The following CAMTA1 variants were observed in gnomAD, a reference collection of about 807,000 sequenced individuals.
CAMTA1 encodes the protein calmodulin binding transcription activator 1, also known as calmodulin-binding transcription activator 1.
In CAMTA1, 27 loss-of-function variants were observed where a neutral mutation model predicts 170.9. That is an observed-to-expected ratio of 0.16 (90% CI 0.12 to 0.22). The LOEUF (loss-of-function observed/expected upper bound fraction) is 0.22, where lower values mean the gene tolerates loss of function less well. Among genes scored for constraint, CAMTA1 ranks in the 10% least tolerant of loss-of-function variants. The pLI, the probability that CAMTA1 is intolerant of heterozygous loss-of-function variation, is 1.00. For missense variants in CAMTA1, 1,619 were observed against 2,217.2 expected (o/e 0.73, Z 5.42); for synonymous variants, 833 against 891.5 (o/e 0.93, Z 1.17).
chr1:7,058,758 T>C (rs1179459272), intron 3 of CAMTA1, among the ~76,000 whole-genome samples: 1 of 152,152 alleles, frequency 6.6e-6, no homozygotes, highest in Non-Finnish European at 1.5e-5. Flanking sequence ...TTCCTTAAAC[T>C]AGCACATTCT....
At position 7,066,767 on chromosome 1, in the gene CAMTA1, T is replaced by G. The variant is rs571219843; in HGVS notation, c.235-24537T>G. On this transcript the variant is annotated intron_variant, in intron 3 of 22. Coordinates refer to ENST00000303635, the MANE Select transcript of CAMTA1 (RefSeq NM_015215.4). The stretch of plus-strand genomic sequence containing the variant: ...TTCCCAAATGGCTGTGTTAGCCCCA[T>G]GTTCAGGGCCTGGACTTTTCCTGAA... Among the ~76,000 whole-genome samples the G allele has an allele frequency of 2.0e-5, 3 of 152,230 alleles. No individual in the cohort carries two copies. The South Asian group carries it at 6.2e-4, about 32-fold the overall frequency.
intron 5 of CAMTA1, among the ~76,000 whole-genome samples, chr1:7,323,611 T>C (rs1678827100): frequency 6.8e-6 from 1 of 147,008 alleles, no homozygotes; most frequent in Non-Finnish European, 1.5e-5. Flanking sequence ...CAGCCTCCAC[T>C]TCCCAGGTTC....
At chr1:6,986,149 G>T (rs1349739540) in intron 3 of CAMTA1, among the ~76,000 whole-genome samples, 1 of 152,174 alleles carries the variant, frequency 6.6e-6, no homozygotes. Flanking sequence ...AGGGTCTGGG[G>T]GAATGAGTCA....
At position 7,663,696 on chromosome 1, in the gene CAMTA1, T is replaced by C. The variant is rs572858443; in HGVS notation, c.1149T>C (p.Gly383=). ...GCCCGGTGGTCACAGGTGTGTCCGG[T>C]ATGGCGGTGGCCTCTGTGATGGGGA... is the stretch of plus-strand genomic sequence containing the variant. The part of the protein sequence containing the change: ...VDSPVVTGVS[G]MAVASVMGSL... Residue 383 remains glycine (G), a synonymous_variant, in exon 9 of 23, where the codon GGT becomes GGC. Coordinates refer to ENST00000303635, the MANE Select transcript of CAMTA1 (RefSeq NM_015215.4). 6.2e-7 allele frequency: 1 copy of C among 1,613,940 alleles called. No individual in the cohort carries two copies. The highest frequency in any genetic ancestry group is 1.1e-5 in the South Asian group (1 of 91,046).
chr1:7,551,432 C>A (rs1265043222), intron 6 of CAMTA1, among the ~76,000 whole-genome samples: 4 of 152,214 alleles, frequency 2.6e-5, no homozygotes, highest in Non-Finnish European at 4.4e-5. Flanking sequence ...AGGCACCCAG[C>A]TAGTTCCCAG....
chr1:7,595,331 C>T (rs941411227), intron 6 of CAMTA1, among the ~76,000 whole-genome samples: 1 of 152,202 alleles, frequency 6.6e-6, no homozygotes, highest in Non-Finnish European at 1.5e-5. Context: ...GCTGCAGAGA[C>T]TCCGAGGCAA....
chr1:7,328,756 G>T (rs1035854806), intron 5 of CAMTA1, among the ~76,000 whole-genome samples: 48 of 151,858 alleles, frequency 3.2e-4, no homozygotes, highest in African/African-American at 1.1e-3. Flanking sequence ...TTTAGTTATT[G>T]TATTTTTTAT....
intron 5 of CAMTA1, among the ~76,000 whole-genome samples, chr1:7,320,425 G>T (rs908114460): frequency 6.6e-6 from 1 of 152,192 alleles, no homozygotes; most frequent in Non-Finnish European, 1.5e-5. Flanking sequence ...ATCTGAGGCT[G>T]TAATAATCCA....
At chr1:7,518,682 AT>A (rs2094320671) in intron 6 of CAMTA1, among the ~76,000 whole-genome samples, 1 of 151,924 alleles carries the variant, frequency 6.6e-6, no homozygotes, top group South Asian at 2.1e-4. Flanking sequence ...GGAGGATGGC[AT>A]GTCTTACAGC....
chr1:7,453,949 C>A (rs2149474552), intron 5 of CAMTA1, among the ~76,000 whole-genome samples: 1 of 152,344 alleles, frequency 6.6e-6, no homozygotes, highest in Non-Finnish European at 1.5e-5. Flanking sequence ...GGGTTAAGAC[C>A]TATGTGGTTG....
intron 4 of CAMTA1, among the ~76,000 whole-genome samples, chr1:7,122,161 C>T (rs959364015): frequency 6.6e-6 from 1 of 152,066 alleles, no homozygotes; most frequent in Non-Finnish European, 1.5e-5. Context: ...TGTCCCTAAA[C>T]AGGACTTCTT....
chr1:7,208,046 CCT>C (rs1182775314), intron 4 of CAMTA1, among the ~76,000 whole-genome samples: 3 of 152,368 alleles, frequency 2.0e-5, no homozygotes, highest in South Asian at 2.1e-4. Context: ...GAGCTGGAAG[CCT>C]CTCTCTCCAT....
intron 6 of CAMTA1, among the ~76,000 whole-genome samples, chr1:7,538,816 C>G (rs926542369): frequency 6.6e-6 from 1 of 152,218 alleles, no homozygotes; most frequent in African/African-American, 2.4e-5. Flanking sequence ...ATGCTTAGAC[C>G]AGGCAGCATA....
At chr1:7,122,067 C>G (rs1573234461) in intron 4 of CAMTA1, among the ~76,000 whole-genome samples, 1 of 152,138 alleles carries the variant, frequency 6.6e-6, no homozygotes, top group African/African-American at 2.4e-5. Context: ...GAGGCTGTTT[C>G]CGGGAAAGGC....
At position 7,065,601 on chromosome 1, in the gene CAMTA1, TG is replaced by T. The variant is rs1708852285; in HGVS notation, c.235-25698del. Among the ~76,000 whole-genome samples the T allele has an allele frequency of 6.6e-6, 1 of 151,506 alleles. No homozygotes were observed. Among genetic ancestry groups the T allele is most frequent in the African/African-American group, 2.4e-5 (1 of 41,140 alleles). ...CTGGAGGGATTCTACCTGGAGCAGGTGGGGGTGCTTATTTCATGGCCATAGG... is the reference window on the plus strand; with the variant it reads ...CTGGAGGGATTCTACCTGGAGCAGGTGGGGTGCTTATTTCATGGCCATAGG... On this transcript the variant is annotated intron_variant, in intron 3 of 22. Coordinates refer to ENST00000303635, the MANE Select transcript of CAMTA1 (RefSeq NM_015215.4). This position sits in a 1 kb window ranked among gnomAD's most constrained non-coding sequence, Gnocchi z 5.2.
intron 11 of CAMTA1, among the ~76,000 whole-genome samples, chr1:7,707,366 T>G (rs1212298467): frequency 1.3e-5 from 2 of 152,090 alleles, no homozygotes; most frequent in Non-Finnish European, 2.9e-5. Flanking sequence ...TATGAAAGTT[T>G]CCCGAGTGAA....
intron 5 of CAMTA1, among the ~76,000 whole-genome samples, chr1:7,303,887 A>G (rs1031215247): frequency 6.6e-6 from 1 of 152,224 alleles, no homozygotes; most frequent in Non-Finnish European, 1.5e-5. Context: ...ACAGCAAGCG[A>G]AAGCCTTTGA....
chr1:7,399,098 A>G (rs1439417210), intron 5 of CAMTA1, among the ~76,000 whole-genome samples: 3 of 152,128 alleles, frequency 2.0e-5, no homozygotes, highest in Non-Finnish European at 2.9e-5. Context: ...TTGATCCCCA[A>G]TGTTGGAAGT....
intron 5 of CAMTA1, among the ~76,000 whole-genome samples, chr1:7,343,619 C>T (rs1448622604): frequency 1.3e-5 from 2 of 152,160 alleles, no homozygotes; most frequent in African/African-American, 2.4e-5. Flanking sequence ...GTGTCTGCCA[C>T]GGGCTCTTCT....
Sources: gnomAD v4.1 joint callset for allele counts (sites outside exome capture counted in the v4.1 genomes callset) on GRCh38, gnomAD v4.1.1 for gene constraint, Gnocchi (gnomAD v3.1) non-coding constraint, MANE v1.5 for transcripts, NCBI Gene and HGNC (gene_info 2026-07-23, HGNC 2026-07-21) for gene names.